TACC2: variants seen among roughly 807,000 people sequenced by gnomAD.
The protein encoded by TACC2 is transforming acidic coiled-coil-containing protein 2.
In TACC2, 137 loss-of-function variants were observed where a neutral mutation model predicts 227.3. The ratio of observed to expected loss-of-function variants is 0.60; its 90% CI spans 0.52 to 0.69. The LOEUF (loss-of-function observed/expected upper bound fraction) is 0.69, where lower values mean the gene tolerates loss of function less well. Among genes scored for constraint, TACC2 ranks in the 30% least tolerant of loss-of-function variants. The pLI is 0.00. For missense variants in TACC2, 3,470 were observed against 3,694.4 expected (o/e 0.94, Z 1.57); for synonymous variants, 1,523 against 1,487.5 (o/e 1.02, Z -0.55).
chr10:122,224,434 T>C (rs12416375), intron 11 of TACC2, among the ~76,000 whole-genome samples: 49,643 of 151,920 alleles, frequency 0.33, 8,653 homozygotes, highest in East Asian at 0.47. Context: ...TGCTCAGGTC[T>C]GGCCACACTT....
At chr10:122,219,167 C>T (rs2095474150) in intron 11 of TACC2, among the ~76,000 whole-genome samples, 1 of 152,118 alleles carries the variant, frequency 6.6e-6, no homozygotes, top group Non-Finnish European at 1.5e-5. Flanking sequence ...CCTCACTCAG[C>T]TGCCTCTGCA....
intron 1 of TACC2, among the ~76,000 whole-genome samples, chr10:121,997,863 C>G (rs1356366801): frequency 6.6e-6 from 1 of 152,036 alleles, no homozygotes; most frequent in African/African-American, 2.4e-5. Flanking sequence ...GATCCCGATC[C>G]AATGCTCTGA....
At chr10:122,164,849 TG>T (rs1219002114) in intron 7 of TACC2, among the ~76,000 whole-genome samples, 2 of 152,060 alleles carry the variant, frequency 1.3e-5, no homozygotes, top group African/African-American at 4.8e-5. Context: ...TCTGGGGACT[TG>T]GGGGTAGGGG....
At position 122,203,522 on chromosome 10, in the gene TACC2, G is replaced by A. The variant is rs374223620; in HGVS notation, c.5972-6875G>A. On this transcript the variant is annotated intron_variant, in intron 8 of 22. Coordinates refer to ENST00000369005, the MANE Select transcript of TACC2 (RefSeq NM_206862.4). ...CGGAGGGGCTCCTCACTTCTCAGAC[G>A]GGGCGGCCGGGCAGAGACGCTCCTC... 0.014 allele frequency among the ~76,000 whole-genome samples: 2,075 copies of A among 151,754 alleles called. 119 individuals carry two copies. The East Asian group carries it at 0.22, about 16-fold the overall frequency.
intron 3 of TACC2, among the ~76,000 whole-genome samples, chr10:122,057,360 T>A (rs1383134506): frequency 6.6e-6 from 1 of 151,814 alleles, no homozygotes; most frequent in Non-Finnish European, 1.5e-5. Context: ...CCAGAAGGAA[T>A]CCCAAGGGAG....
At chr10:122,081,928 C>T (rs916810531) in intron 3 of TACC2, among the ~76,000 whole-genome samples, 2 of 152,184 alleles carry the variant, frequency 1.3e-5, no homozygotes, top group Non-Finnish European at 2.9e-5. Flanking sequence ...TGTGCTTTTT[C>T]CTGAACATCT....
intron 5 of TACC2, among the ~76,000 whole-genome samples, chr10:122,112,757 A>C (rs1311799526): frequency 6.6e-6 from 1 of 151,766 alleles, no homozygotes; most frequent in African/African-American, 2.4e-5. Flanking sequence ...TGACTCAGAG[A>C]CTCCTGGAAG....
chr10:122,097,520 C>T (rs949431703), intron 5 of TACC2, among the ~76,000 whole-genome samples: 2 of 151,864 alleles, frequency 1.3e-5, no homozygotes, highest in South Asian at 2.1e-4. Flanking sequence ...GGAGTACACT[C>T]GGTGGGAGAA....
At chr10:122,001,482 A>C (rs2135087536) in intron 1 of TACC2, among the ~76,000 whole-genome samples, 1 of 152,336 alleles carries the variant, frequency 6.6e-6, no homozygotes, top group Admixed American at 6.5e-5. Context: ...CCCTCCCATG[A>C]CACATGAGAA....
intron 8 of TACC2, among the ~76,000 whole-genome samples, chr10:122,204,545 G>A (rs1301435121): frequency 6.6e-6 from 1 of 152,186 alleles, no homozygotes; most frequent in Admixed American, 6.5e-5. Flanking sequence ...GGACAGAGAG[G>A]GACATGTGGG....
chr10:122,222,347 G>T (rs1447051050), intron 11 of TACC2, among the ~76,000 whole-genome samples: 2 of 152,168 alleles, frequency 1.3e-5, no homozygotes, highest in Non-Finnish European at 2.9e-5. Flanking sequence ...TCCTCTCCAG[G>T]TCATTCTGTA....
intron 3 of TACC2, among the ~76,000 whole-genome samples, chr10:122,077,736 A>G (rs1239706126): frequency 6.6e-6 from 1 of 152,256 alleles, no homozygotes; most frequent in Non-Finnish European, 1.5e-5. Flanking sequence ...GCAGGCAGCC[A>G]GTACAAGGCA....
chr10:122,136,208 G>A (rs1247142685), intron 6 of TACC2, among the ~76,000 whole-genome samples: 2 of 152,184 alleles, frequency 1.3e-5, no homozygotes, highest in East Asian at 3.9e-4. Flanking sequence ...AGGGTTCATG[G>A]CGACTTGGTA....
At chr10:122,140,638 T>C (rs916429436) in intron 6 of TACC2, among the ~76,000 whole-genome samples, 2 of 152,230 alleles carry the variant, frequency 1.3e-5, no homozygotes, top group African/African-American at 4.8e-5. Flanking sequence ...TGGAAGGTTC[T>C]GCAAAGGCCT....
intron 1 of TACC2, among the ~76,000 whole-genome samples, chr10:122,001,035 C>G (rs1954250962): frequency 6.6e-6 from 1 of 152,234 alleles, no homozygotes; most frequent in Non-Finnish European, 1.5e-5. Flanking sequence ...GTTGGCCGGG[C>G]TGGTCCTGAA....
At chr10:122,061,026 G>GA (rs2076752383) in intron 3 of TACC2, among the ~76,000 whole-genome samples, 3 of 138,302 alleles carry the variant, frequency 2.2e-5, no homozygotes, top group African/African-American at 7.9e-5. Flanking sequence ...AAAAGGGGGG[G>GA]GGGCCAGGCA....
At chr10:122,040,287 G>C (rs962864315) in intron 2 of TACC2, among the ~76,000 whole-genome samples, 1 of 152,182 alleles carries the variant, frequency 6.6e-6, no homozygotes, top group African/African-American at 2.4e-5. Flanking sequence ...TCCCGGGAGT[G>C]TCAGGGTCCT....
rs150547603 is a variant in TACC2, at chr10:122,231,002, C to G, written c.8127+562C>G. 2.1e-3 allele frequency among the ~76,000 whole-genome samples: 315 copies of G among 152,272 alleles called. 3 individuals are homozygous for G. The highest frequency in any genetic ancestry group is 7.5e-3 in the African/African-American group (311 of 41,546). On this transcript the variant is annotated intron_variant, in intron 16 of 22. Coordinates refer to ENST00000369005, the MANE Select transcript of TACC2 (RefSeq NM_206862.4). ...AAGTGCAAATGATAAGTATTTCCAG[C>G]CTTGTGGGCCGTACTGTCTGGCACT...
intron 5 of TACC2, among the ~76,000 whole-genome samples, chr10:122,119,970 G>A (rs533813050): frequency 6.6e-6 from 1 of 152,106 alleles, no homozygotes; most frequent in East Asian, 1.9e-4. Context: ...ATTGGCTGCC[G>A]GCTCCCTGCC....
Sources: allele counts gnomAD v4.1 joint callset (sites outside exome capture counted in the v4.1 genomes callset), GRCh38; gene constraint gnomAD v4.1.1; transcripts MANE v1.5; gene names NCBI Gene and HGNC (gene_info 2026-07-23, HGNC 2026-07-21).